Variants in NUMB observed in about 807,000 individuals in gnomAD.
The protein encoded by NUMB is NUMB endocytic adaptor protein, also known as protein numb homolog.
A neutral mutation model predicts 59.7 loss-of-function variants in NUMB; 29 were observed. The ratio of observed to expected loss-of-function variants is 0.49; its 90% CI spans 0.36 to 0.66. NUMB has a LOEUF of 0.66. NUMB is among the 30% of genes least tolerant of loss of function. The pLI is 0.00. For synonymous variants in NUMB, 288 were observed against 288.2 expected (o/e 1.00, Z 0.01); for missense variants, 723 against 822.0 (o/e 0.88, Z 1.47).
At chr14:73,446,265 G>C (rs1201545380) in intron 1 of NUMB, among the ~76,000 whole-genome samples, 1 of 151,876 alleles carries the variant, frequency 6.6e-6, no homozygotes, top group East Asian at 1.9e-4. Flanking sequence ...CCAGAATGCT[G>C]GGATTACAGG....
chr14:73,411,479 A>G (rs1198410443), intron 1 of NUMB, among the ~76,000 whole-genome samples: 1 of 152,236 alleles, frequency 6.6e-6, no homozygotes, highest in African/African-American at 2.4e-5. Flanking sequence ...AGACAAAAAA[A>G]GAAAAAATCA....
intron 6 of NUMB, among the ~76,000 whole-genome samples, chr14:73,312,001 GC>G (rs1890800151): frequency 6.6e-6 from 1 of 152,084 alleles, no homozygotes; most frequent in Non-Finnish European, 1.5e-5. Flanking sequence ...GGTAATACTT[GC>G]CCCTCTCTGT....
intron 1 of NUMB, among the ~76,000 whole-genome samples, chr14:73,417,664 A>T (rs1379770139): frequency 6.6e-6 from 1 of 152,238 alleles, no homozygotes; most frequent in Non-Finnish European, 1.5e-5. Context: ...TATATATTCT[A>T]GCAATTCCAT....
chr14:73,346,968 A>G (rs1366007416), intron 4 of NUMB, among the ~76,000 whole-genome samples: 3 of 152,168 alleles, frequency 2.0e-5, no homozygotes, highest in Non-Finnish European at 4.4e-5. Context: ...TAATAACAAA[A>G]CACAAAAGGA....
intron 4 of NUMB, among the ~76,000 whole-genome samples, chr14:73,344,300 A>C (rs1160098054): frequency 6.6e-6 from 1 of 152,228 alleles, no homozygotes; most frequent in Non-Finnish European, 1.5e-5. Flanking sequence ...ATGGTAGGTC[A>C]GCCACTGGAT....
At chr14:73,320,398 TTTA>T (rs1891341134) in intron 5 of NUMB, among the ~76,000 whole-genome samples, 1 of 152,178 alleles carries the variant, frequency 6.6e-6, no homozygotes, top group African/African-American at 2.4e-5. Flanking sequence ...AACTTTCTTT[TTTA>T]TTATTTATTT....
intron 3 of NUMB, among the ~76,000 whole-genome samples, chr14:73,357,307 G>A (rs1038424453): frequency 6.6e-6 from 1 of 151,174 alleles, no homozygotes; most frequent in African/African-American, 2.4e-5. Flanking sequence ...GGAGGCTGAG[G>A]CAGGAGAATC....
intron 1 of NUMB, among the ~76,000 whole-genome samples, chr14:73,430,789 C>CA (rs1439034955): frequency 6.6e-6 from 1 of 151,280 alleles, no homozygotes; most frequent in African/African-American, 2.4e-5. Flanking sequence ...GAAAAAAATA[C>CA]AAAAAATTAG....
intron 3 of NUMB, among the ~76,000 whole-genome samples, chr14:73,356,080 T>C (rs1231751797): frequency 6.6e-6 from 1 of 152,194 alleles, no homozygotes; most frequent in Non-Finnish European, 1.5e-5. Flanking sequence ...TCAAGAACTT[T>C]AGTTATAACA....
intron 7 of NUMB, among the ~76,000 whole-genome samples, chr14:73,296,934 G>A (rs1351362210): frequency 1.3e-5 from 2 of 152,074 alleles, no homozygotes; most frequent in Admixed American, 6.6e-5. Context: ...TTGGGAGGCC[G>A]AGGTGGGCGG....
chr14:73,280,418 G>A (rs1888541076), intron 11 of NUMB, among the ~76,000 whole-genome samples: 1 of 150,522 alleles, frequency 6.6e-6, no homozygotes, highest in Non-Finnish European at 1.5e-5. Flanking sequence ...AACTCTCCTG[G>A]TAACTCACAG....
At chr14:73,291,488 C>G (rs1356740756) in intron 8 of NUMB, among the ~76,000 whole-genome samples, 2 of 151,984 alleles carry the variant, frequency 1.3e-5, no homozygotes. Context: ...AGCGATTCTC[C>G]TGAGTCAGTC....
At chr14:73,455,999 C>T (rs1182050112) in intron 1 of NUMB, among the ~76,000 whole-genome samples, 1 of 152,024 alleles carries the variant, frequency 6.6e-6, no homozygotes, top group East Asian at 1.9e-4. Flanking sequence ...TTCTCAATAT[C>T]CAAAAAAGTT....
intron 4 of NUMB, among the ~76,000 whole-genome samples, chr14:73,323,809 G>A (rs778098442): frequency 2.0e-5 from 3 of 152,168 alleles, no homozygotes; most frequent in Non-Finnish European, 4.4e-5. Flanking sequence ...AAAATTGAAA[G>A]GTTGAAAGAC....
chr14:73,288,996 A>G (rs1889209032), intron 8 of NUMB, among the ~76,000 whole-genome samples: 1 of 152,212 alleles, frequency 6.6e-6, no homozygotes, highest in African/African-American at 2.4e-5. Context: ...ACTGCACTCC[A>G]GCCTGGGTGA....
chr14:73,398,140 T>C (rs1310114444), intron 2 of NUMB, among the ~76,000 whole-genome samples: 1 of 152,054 alleles, frequency 6.6e-6, no homozygotes, highest in African/African-American at 2.4e-5. Flanking sequence ...CACATAAAAA[T>C]GTAGGTCTGA....
rs186260803 is a variant in NUMB, at chr14:73,311,931, A to C, written c.234+4459T>G. 7.6e-4 allele frequency among the ~76,000 whole-genome samples: 116 copies of C among 152,336 alleles called. 1 individual carries two copies. The highest frequency in any genetic ancestry group is 1.4e-3 in the Non-Finnish European group (95 of 68,038). On this transcript the variant is annotated intron_variant, in intron 6 of 12. Coordinates refer to ENST00000555238, the MANE Select transcript of NUMB (RefSeq NM_001005743.2). ...TAAGTGATGGCAACTTGAAAGATTC[A>C]AAAGATTCCAAATTAAAGAAAAAAT...
chr14:73,313,732 T>G (rs1198491321), intron 6 of NUMB, among the ~76,000 whole-genome samples: 1 of 148,176 alleles, frequency 6.7e-6, no homozygotes, highest in Non-Finnish European at 1.5e-5. Flanking sequence ...AAATAAGGGA[T>G]GCTCAACATG....
intron 4 of NUMB, among the ~76,000 whole-genome samples, chr14:73,331,244 G>C (rs1488461869): frequency 1.3e-5 from 2 of 152,096 alleles, no homozygotes; most frequent in African/African-American, 4.8e-5. Context: ...ATGCATTCTG[G>C]ATTATGAAAT....
Sources: allele counts gnomAD v4.1 joint callset (sites outside exome capture counted in the v4.1 genomes callset), GRCh38; gene constraint gnomAD v4.1.1; transcripts MANE v1.5; gene names NCBI Gene and HGNC (gene_info 2026-07-23, HGNC 2026-07-21).